The following ZNF385B variants were observed in gnomAD, a reference collection of about 807,000 sequenced individuals.
ZNF385B encodes the protein zinc finger protein 385B, also known as zinc finger protein 533.
ZNF385B carries 23 observed loss-of-function variants against 39.2 expected under a neutral mutation model. That is an observed-to-expected ratio of 0.59 (90% CI 0.42 to 0.83). The LOEUF is 0.83. Ranked by LOEUF, ZNF385B falls within the 40% of genes least tolerant of loss-of-function variation. ZNF385B has a pLI of 0.00. For missense variants in ZNF385B, 552 were observed against 598.9 expected (o/e 0.92, Z 0.82); for synonymous variants, 205 against 222.6 (o/e 0.92, Z 0.70).
intron 3 of ZNF385B, among the ~76,000 whole-genome samples, chr2:179,618,686 C>A (rs187795140): frequency 6.6e-6 from 1 of 152,286 alleles, no homozygotes; most frequent in African/African-American, 2.4e-5. Flanking sequence ...GCATGTGATG[C>A]ATGGAGTAGG....
At chr2:179,488,167 C>T (rs920039098) in intron 5 of ZNF385B, among the ~76,000 whole-genome samples, 2 of 151,230 alleles carry the variant, frequency 1.3e-5, no homozygotes, top group African/African-American at 2.4e-5. Context: ...TTTTTTGAGA[C>T]GGAGCCTCAC....
chr2:179,819,180 C>A (rs532388738), intron 1 of ZNF385B, among the ~76,000 whole-genome samples: 1 of 151,956 alleles, frequency 6.6e-6, no homozygotes, highest in Non-Finnish European at 1.5e-5. Flanking sequence ...TTTGGTATTC[C>A]ATACCCTTTC....
At chr2:179,645,695 C>T (rs1692659625) in intron 3 of ZNF385B, among the ~76,000 whole-genome samples, 1 of 152,028 alleles carries the variant, frequency 6.6e-6, no homozygotes, top group Non-Finnish European at 1.5e-5. Context: ...GCTCATGTAC[C>T]CCTTCCTCTG....
chr2:179,581,310 G>A (rs1686488759), intron 3 of ZNF385B, among the ~76,000 whole-genome samples: 1 of 151,984 alleles, frequency 6.6e-6, no homozygotes, highest in Admixed American at 6.6e-5. Context: ...GAACTAGAAG[G>A]GAAACTAGTT....
At chr2:179,532,301 T>C (rs1320348482) in intron 4 of ZNF385B, among the ~76,000 whole-genome samples, 2 of 152,226 alleles carry the variant, frequency 1.3e-5, no homozygotes, top group Non-Finnish European at 2.9e-5. Context: ...ATGTTCTGAA[T>C]AGACTAACAC....
At chr2:179,446,874 GT>G in intron 6 of ZNF385B, 104 bp from the exon 7 acceptor site, 4 of 1,407,270 alleles carry the variant, frequency 2.8e-6, no homozygotes, top group Non-Finnish European at 3.8e-6. Context: ...CTTATGTGAA[GT>G]TTTTATTGCA....
At chr2:179,583,712 G>T (rs995971584) in intron 3 of ZNF385B, among the ~76,000 whole-genome samples, 2 of 152,130 alleles carry the variant, frequency 1.3e-5, no homozygotes, top group African/African-American at 4.8e-5. Flanking sequence ...AGTAATACAG[G>T]TAAATATCTA....
intron 3 of ZNF385B, among the ~76,000 whole-genome samples, chr2:179,763,639 T>C (rs547162548): frequency 1.2e-4 from 18 of 152,362 alleles, no homozygotes; most frequent in African/African-American, 4.1e-4. Context: ...TTTAAGGCTA[T>C]AAATTTCCAG....
At chr2:179,754,104 C>T (rs1167699303) in intron 3 of ZNF385B, among the ~76,000 whole-genome samples, 2 of 152,132 alleles carry the variant, frequency 1.3e-5, no homozygotes, top group Non-Finnish European at 2.9e-5. Flanking sequence ...TCAGATACGT[C>T]CCATCAATAC....
chr2:179,742,932 C>G lies in ZNF385B; in HGVS notation c.298+26571G>C, dbSNP rs187923140. ...GGCAAATCACTGAGATTTATATCCT[C>G]ATGATTTCATAAATCCTACTACTTC... On this transcript the variant is annotated intron_variant, in intron 3 of 9. Coordinates refer to ENST00000410066, the MANE Select transcript of ZNF385B (RefSeq NM_152520.6). Among the ~76,000 whole-genome samples the G allele has an allele frequency of 2.6e-5, 4 of 152,096 alleles. No homozygotes were observed. The East Asian group carries it at 7.7e-4, about 29-fold the overall frequency.
Position 179,494,967 on chromosome 2 carries a change from C to T in ZNF385B, c.553-11533G>A, listed in dbSNP as rs562810756. ...TAGCTACAGGGCAAAATTCCTTCTG[C>T]TTGAGAAAAACAGAGGGAAAAGTAA... is the stretch of plus-strand genomic sequence containing the variant. On this transcript the variant is annotated intron_variant, in intron 5 of 9. Coordinates refer to ENST00000410066, the MANE Select transcript of ZNF385B (RefSeq NM_152520.6). Among the ~76,000 whole-genome samples, 7 of 152,174 alleles carry T rather than the reference C, an allele frequency of 4.6e-5. No individual in the cohort carries two copies. In the East Asian group the frequency reaches 9.7e-4, roughly 21 times the overall value.
At chr2:179,833,907 G>A (rs1239323930) in intron 1 of ZNF385B, among the ~76,000 whole-genome samples, 1 of 152,230 alleles carries the variant, frequency 6.6e-6, no homozygotes, top group East Asian at 1.9e-4. Context: ...AAAAAGAACT[G>A]CAGAGATCTT....
intron 3 of ZNF385B, among the ~76,000 whole-genome samples, chr2:179,563,164 T>C (rs1343633436): frequency 6.6e-6 from 1 of 152,178 alleles, no homozygotes; most frequent in Non-Finnish European, 1.5e-5. Context: ...TATGGTAAAA[T>C]TGAAGTTATA....
chr2:179,506,249 C>T (rs1203561601), intron 5 of ZNF385B, among the ~76,000 whole-genome samples: 3 of 151,978 alleles, frequency 2.0e-5, no homozygotes, highest in African/African-American at 7.3e-5. Context: ...GGCAAAGAAA[C>T]AAAACTTCAG....
rs754473683 is a variant in ZNF385B, at chr2:179,769,789, G to A, written c.12C>T (p.Ser4=). The A allele has an allele frequency of 6.2e-7, 1 of 1,610,108 alleles. No individual in the cohort carries two copies. Among genetic ancestry groups the A allele is most frequent in the Non-Finnish European group, 8.5e-7 (1 of 1,177,488 alleles). The part of the protein sequence containing the change: MRY[S]LSPDNHLEDG... ...CTTCAAGATGGTTGTCAGGGCTTAAGGAGTACCTCATGCCTGAAAAACAAA... is the reference window on the plus strand; with the variant it reads ...CTTCAAGATGGTTGTCAGGGCTTAAAGAGTACCTCATGCCTGAAAAACAAA... Residue 4 remains serine (S), a synonymous_variant, in exon 3 of 10, where the codon TCC becomes TCT. Transcript: ENST00000410066.
At chr2:179,472,451 TTGTTAA>T (rs2052878284) in intron 6 of ZNF385B, among the ~76,000 whole-genome samples, 1 of 152,236 alleles carries the variant, frequency 6.6e-6, no homozygotes, top group Admixed American at 6.5e-5. Context: ...GCCATTTTGC[TTGTTAA>T]ATGGGCAAAA....
intron 3 of ZNF385B, among the ~76,000 whole-genome samples, chr2:179,555,918 T>C (rs1243453094): frequency 6.7e-6 from 1 of 149,368 alleles, no homozygotes; most frequent in Non-Finnish European, 1.5e-5. Flanking sequence ...GAATGTTACA[T>C]TTAAAAATAA....
In ZNF385B at chr2:179,561,788, G is replaced by A. The variant is rs570935683; in HGVS notation, c.299-16819C>T. Among the ~76,000 whole-genome samples, 11 of 152,182 alleles carry A rather than the reference G, an allele frequency of 7.2e-5. No individual in the cohort carries two copies. In the East Asian group the frequency reaches 1.5e-3, roughly 21 times the overall value. On this transcript the variant is annotated intron_variant, in intron 3 of 9. Transcript: ENST00000410066. ...CCCTCTTGAGGAGCTAAACTTACCT[G>A]GTTTCCAGAGAGATTTCTATGCCCA...
intron 3 of ZNF385B, among the ~76,000 whole-genome samples, chr2:179,754,565 C>G (rs533176948): frequency 6.6e-6 from 1 of 152,192 alleles, no homozygotes; most frequent in African/African-American, 2.4e-5. Context: ...CTGTCCTGGA[C>G]TTTTTTTGGT....
Sources: allele counts gnomAD v4.1 joint callset (sites outside exome capture counted in the v4.1 genomes callset), GRCh38; gene constraint gnomAD v4.1.1; transcripts MANE v1.5; gene names NCBI Gene and HGNC (gene_info 2026-07-23, HGNC 2026-07-21).